TUBD1: variants seen among roughly 807,000 people sequenced by gnomAD.
The protein encoded by TUBD1 is tubulin delta 1, also known as tubulin delta chain.
Under a neutral mutation model 51.2 loss-of-function variants are expected in TUBD1, and 38 were observed. That is an observed-to-expected ratio of 0.74 (90% CI 0.57 to 0.97). TUBD1 has a LOEUF of 0.97. Ranked by LOEUF, TUBD1 falls within the 50% of genes least tolerant of loss-of-function variation. The pLI is 0.00. For missense variants in TUBD1, 489 were observed against 538.4 expected (o/e 0.91, Z 0.91); for synonymous variants, 169 against 178.2 (o/e 0.95, Z 0.41).
At chr17:59,878,410 G>A in intron 4 of TUBD1, 76 bp from the exon 5 acceptor site, 1 of 1,079,730 alleles carries the variant, frequency 9.3e-7, no homozygotes. Context: ...AAGGCATCCT[G>A]GCAGGGTTCA....
At chr17:59,870,089 G>A (rs1426778255) in intron 6 of TUBD1, among the ~76,000 whole-genome samples, 5 of 152,002 alleles carry the variant, frequency 3.3e-5, no homozygotes, top group Non-Finnish European at 5.9e-5. Context: ...GGCTGGGCAC[G>A]GTGGCTTATA....
chr17:59,885,881 T>G (rs1042783156), intron 3 of TUBD1, among the ~76,000 whole-genome samples: 6 of 152,220 alleles, frequency 3.9e-5, no homozygotes, highest in African/African-American at 1.4e-4. Flanking sequence ...AAAGATATCC[T>G]TCATTTCAAC....
At chr17:59,876,419 ACCT>A (rs1181534388) in intron 5 of TUBD1, among the ~76,000 whole-genome samples, 4 of 147,082 alleles carry the variant, frequency 2.7e-5, no homozygotes, top group African/African-American at 1.0e-4. Context: ...GCATTGCATG[ACCT>A]CAGCTCACTG....
intron 2 of TUBD1, among the ~76,000 whole-genome samples, chr17:59,889,364 T>A (rs1174792106): frequency 4.0e-5 from 6 of 149,726 alleles, no homozygotes; most frequent in Middle Eastern, 3.4e-3. Flanking sequence ...AGGAGTAAAG[T>A]GAATTAAGAA....
chr17:59,860,941 G>A (rs897639659), intron 8 of TUBD1, among the ~76,000 whole-genome samples: 2 of 151,842 alleles, frequency 1.3e-5, no homozygotes, highest in African/African-American at 4.8e-5. Context: ...CAAAAAACTG[G>A]CAAAGGAGAG....
chr17:59,867,272 A>G (rs565696653), intron 6 of TUBD1, among the ~76,000 whole-genome samples: 1 of 152,150 alleles, frequency 6.6e-6, no homozygotes, highest in East Asian at 1.9e-4. Flanking sequence ...CTGGGCTCAA[A>G]TGATCCTCCC....
rs2040454704 is a variant in TUBD1, at chr17:59,880,901, G to C, written c.530C>G (p.Thr177Ser). Reference protein sequence around the residue: ...KMNQIIWPYGTGEVIVQNYNS... With the variant: ...KMNQIIWPYGSGEVIVQNYNS... ...CAATTAACATGTCCATACCTCACCA[G>C]TTCCATAAGGCCAAATAATCTGATT... Residue 177 changes from threonine (T) to serine (S), a missense_variant, in exon 4 of 9, where the codon ACT (threonine) becomes AGT (serine). Thr to Ser is a moderately conservative substitution (Grantham distance 58). Transcript: ENST00000325752. The C allele has an allele frequency of 3.1e-6, 5 of 1,613,164 alleles. No individual in the cohort carries two copies. In the East Asian group the frequency reaches 8.9e-5, roughly 29 times the overall value.
At chr17:59,875,886 A>G (rs2040203091) in intron 5 of TUBD1, among the ~76,000 whole-genome samples, 1 of 152,158 alleles carries the variant, frequency 6.6e-6, no homozygotes, top group African/African-American at 2.4e-5. Flanking sequence ...TTTCCTTTAC[A>G]TTTACAGCTG....
chr17:59,886,431 T>C (rs1188417220), intron 2 of TUBD1: 1 of 545,826 alleles, frequency 1.8e-6, no homozygotes, highest in Non-Finnish European at 3.1e-6. Flanking sequence ...AAGCCCAGCA[T>C]TTGCTAAGCA....
intron 5 of TUBD1, among the ~76,000 whole-genome samples, chr17:59,877,144 C>T (rs578042396): frequency 1.3e-5 from 2 of 152,296 alleles, no homozygotes; most frequent in South Asian, 4.2e-4. Context: ...CAGGCGTGAG[C>T]CACCACGCCT....
At chr17:59,874,426 C>G (rs2040135037) in intron 6 of TUBD1, 113 bp downstream of exon 6, 3 of 1,036,874 alleles carry the variant, frequency 2.9e-6, no homozygotes, top group Non-Finnish European at 4.1e-6. Flanking sequence ...CGGAGTCTCT[C>G]TAGCCAGAAA....
chr17:59,874,926 C>T (rs1037512186), intron 5 of TUBD1, among the ~76,000 whole-genome samples: 17 of 152,088 alleles, frequency 1.1e-4, no homozygotes, highest in African/African-American at 4.1e-4. Context: ...TGAGAAAATA[C>T]ACTTTGCCAA....
chr17:59,867,028 C>T (rs963845671), intron 6 of TUBD1, among the ~76,000 whole-genome samples: 4 of 152,200 alleles, frequency 2.6e-5, no homozygotes, highest in East Asian at 1.9e-4. Flanking sequence ...CTCCTGACCT[C>T]GAATGATCTG....
intron 2 of TUBD1, among the ~76,000 whole-genome samples, chr17:59,888,125 C>T (rs1443262997): frequency 2.0e-5 from 3 of 151,984 alleles, no homozygotes; most frequent in East Asian, 1.9e-4. Context: ...TTAGTAGAGA[C>T]GGGATTTTAC....
chr17:59,892,063 C>G (rs1464494723), intron 1 of TUBD1: 1 of 152,200 alleles, frequency 6.6e-6, no homozygotes, highest in African/African-American at 2.4e-5. Context: ...ACCACATGAA[C>G]ATGTAGAACA....
At chr17:59,885,740 T>C (rs923520056) in intron 3 of TUBD1, among the ~76,000 whole-genome samples, 1 of 152,154 alleles carries the variant, frequency 6.6e-6, no homozygotes, top group Non-Finnish European at 1.5e-5. Flanking sequence ...CTCAGGAAAT[T>C]CTAATGTGCA....
At chr17:59,874,850 A>G (rs1401280453) in intron 5 of TUBD1, 147 bp from the exon 6 acceptor site, 4 of 637,620 alleles carry the variant, frequency 6.3e-6, no homozygotes, top group Admixed American at 3.4e-5. Flanking sequence ...TATAAATACA[A>G]TTTCAGAGAC....
intron 1 of TUBD1, 103 bp from the exon 2 acceptor site, chr17:59,891,144 CCCCT>C (rs1244771028): frequency 1.6e-6 from 1 of 643,228 alleles, no homozygotes; most frequent in Non-Finnish European, 2.6e-6. Flanking sequence ...TCTTTTTTCC[CCCCT>C]GAGACGGAGT....
In TUBD1 at chr17:59,860,260, A is replaced by G; in HGVS notation, c.*62T>C. On this transcript the variant is annotated 3_prime_UTR_variant, in exon 9 of 9. Transcript: ENST00000325752. ...GAACTTTGAAAACTTTACAGAGAAA[A>G]TAGTATTGAAAATATTTTAGTCCAG... The G allele has an allele frequency of 8.5e-7, 1 of 1,175,004 alleles. No individual in the cohort carries two copies. The highest frequency in any genetic ancestry group is 1.3e-6 in the Non-Finnish European group (1 of 799,080). 72.8% of individuals were successfully genotyped at this position (1,175,004 alleles called of 1,614,324 possible). A position where few individuals can be genotyped will look rare whatever the true frequency, so the allele number is the denominator to read the frequency against.
Sources: gnomAD v4.1 joint callset for allele counts (sites outside exome capture counted in the v4.1 genomes callset) on GRCh38, gnomAD v4.1.1 for gene constraint, MANE v1.5 for transcripts, NCBI Gene and HGNC (gene_info 2026-07-23, HGNC 2026-07-21) for gene names.